MEI4: variants seen among roughly 807,000 people sequenced by gnomAD.
MEI4 encodes the protein meiotic double-stranded break formation protein 4.
MEI4 carries 27 observed loss-of-function variants against 31.4 expected under a neutral mutation model. The observed-to-expected ratio is 0.86, with a 90% CI of 0.63 to 1.19. MEI4 has a LOEUF of 1.19. Ranked by LOEUF, MEI4 falls within the 50% of genes most tolerant of loss-of-function variation. MEI4 has a pLI of 0.00. For synonymous variants in MEI4, 122 were observed against 145.4 expected, an observed-to-expected ratio of 0.84 and a Z score of 1.16; for missense variants, 329 against 398.9, an observed-to-expected ratio of 0.82 and a Z score of 1.49.
chr6:77,744,955 A>T (rs2127674620), intron 2 of MEI4, among the ~76,000 whole-genome samples: 2 of 152,336 alleles, frequency 1.3e-5, no homozygotes, highest in East Asian at 3.9e-4. Flanking sequence ...GCCCTAAAAG[A>T]GCTCCTGAAG....
intron 3 of MEI4, among the ~76,000 whole-genome samples, chr6:77,813,676 C>A (rs1769625706): frequency 6.6e-6 from 1 of 152,006 alleles, no homozygotes; most frequent in African/African-American, 2.4e-5. Flanking sequence ...TTCCTTTGGG[C>A]TAGACCTAAT....
chr6:77,734,047 A>G (rs980082989), intron 2 of MEI4, among the ~76,000 whole-genome samples: 7 of 152,066 alleles, frequency 4.6e-5, no homozygotes, highest in Non-Finnish European at 7.4e-5. Context: ...TTTACTTCCA[A>G]GTATGTGGTC....
chr6:77,801,814 G>A (rs1227236487), intron 3 of MEI4, among the ~76,000 whole-genome samples: 1 of 152,166 alleles, frequency 6.6e-6, no homozygotes, highest in Non-Finnish European at 1.5e-5. Flanking sequence ...CTGAGTTGTA[G>A]TTTGATTGCA....
intron 3 of MEI4, among the ~76,000 whole-genome samples, chr6:77,767,851 C>T (rs1477808733): frequency 6.6e-6 from 1 of 152,162 alleles, no homozygotes; most frequent in Non-Finnish European, 1.5e-5. Context: ...CAAACATTTT[C>T]TGAATTTTCA....
At chr6:77,829,355 A>T (rs2127711426) in intron 4 of MEI4, among the ~76,000 whole-genome samples, 1 of 152,302 alleles carries the variant, frequency 6.6e-6, no homozygotes, top group African/African-American at 2.4e-5. Flanking sequence ...CCAGGCAGGC[A>T]GCATGTTTCT....
At chr6:77,673,345 A>G (rs1256613545) in intron 1 of MEI4, among the ~76,000 whole-genome samples, 2 of 152,172 alleles carry the variant, frequency 1.3e-5, no homozygotes, top group East Asian at 3.9e-4. Flanking sequence ...CTTTTCAACA[A>G]TGATTTGCTT....
intron 2 of MEI4, among the ~76,000 whole-genome samples, chr6:77,749,396 AG>A (rs1221407374): frequency 6.6e-6 from 1 of 152,164 alleles, no homozygotes; most frequent in Non-Finnish European, 1.5e-5. Flanking sequence ...ATTGCTTACT[AG>A]AACAGCAAGT....
At chr6:77,655,312 G>T (rs1021354631) in intron 1 of MEI4, among the ~76,000 whole-genome samples, 2 of 152,102 alleles carry the variant, frequency 1.3e-5, no homozygotes, top group African/African-American at 4.8e-5. Context: ...TCATTGATGG[G>T]CATTTGGCTT....
At chr6:77,744,637 G>T (rs7763023) in intron 2 of MEI4, among the ~76,000 whole-genome samples, 6 of 152,006 alleles carry the variant, frequency 3.9e-5, no homozygotes, top group South Asian at 4.2e-4. Context: ...AGATACTCCT[G>T]GAGAAGAGCA....
intron 3 of MEI4, among the ~76,000 whole-genome samples, chr6:77,775,061 G>T (rs891607814): frequency 1.3e-5 from 2 of 151,990 alleles, no homozygotes; most frequent in African/African-American, 4.8e-5. Context: ...TCCACCATTT[G>T]TCTAATATCT....
At chr6:77,708,515 G>A (rs1766380409) in intron 2 of MEI4, among the ~76,000 whole-genome samples, 1 of 152,208 alleles carries the variant, frequency 6.6e-6, no homozygotes, top group African/African-American at 2.4e-5. Flanking sequence ...GGGAAGAGAT[G>A]ATTGTATTAT....
chr6:77,671,763 G>T (rs922089622), intron 1 of MEI4, among the ~76,000 whole-genome samples: 1 of 152,120 alleles, frequency 6.6e-6, no homozygotes, highest in East Asian at 1.9e-4. Context: ...GGTAGATGAA[G>T]GGGAATGAAC....
At chr6:77,811,443 G>A (rs566051880) in intron 3 of MEI4, among the ~76,000 whole-genome samples, 1 of 152,274 alleles carries the variant, frequency 6.6e-6, no homozygotes, top group Admixed American at 6.5e-5. Context: ...TAGAGGATGA[G>A]ATAATTTCAA....
rs769842037 is a variant in MEI4, at chr6:77,754,797, T to A, written c.233-6333T>A. ...ACTTCTTACATGCGGAGAGAGAGAGTGAAGGGGGAAAGAGCCCCTTATAAA... is the reference window on the plus strand; with the variant it reads ...ACTTCTTACATGCGGAGAGAGAGAGAGAAGGGGGAAAGAGCCCCTTATAAA... On this transcript the variant is annotated intron_variant, in intron 2 of 4. Transcript: ENST00000684080. Among the ~76,000 whole-genome samples, 3 of 151,356 alleles carry A rather than the reference T, an allele frequency of 2.0e-5. No individual in the cohort carries two copies. The East Asian group carries it at 5.8e-4, about 29-fold the overall frequency.
chr6:77,730,279 T>A lies in MEI4; in HGVS notation c.233-30851T>A, dbSNP rs1582068356. On this transcript the variant is annotated intron_variant, in intron 2 of 4. Transcript: ENST00000684080. ...CATTCACACATTGATGAATGGAAAT[T>A]ATGCAGGTGGATTCACTGTTACACT... Among the ~76,000 whole-genome samples the A allele has an allele frequency of 2.0e-5, 3 of 152,246 alleles. No individual in the cohort carries two copies. The South Asian group carries it at 6.2e-4, about 32-fold the overall frequency.
chr6:77,802,826 T>G (rs1038074745), intron 3 of MEI4, among the ~76,000 whole-genome samples: 1 of 152,246 alleles, frequency 6.6e-6, no homozygotes, highest in Non-Finnish European at 1.5e-5. Context: ...TTGTAGAGTT[T>G]CTGCTGAGAC....
chr6:77,802,214 C>A (rs1184776477), intron 3 of MEI4, among the ~76,000 whole-genome samples: 1 of 152,140 alleles, frequency 6.6e-6, no homozygotes, highest in Non-Finnish European at 1.5e-5. Context: ...GATCCCTTTA[C>A]CCTTATGTAA....
chr6:77,828,614 G>C (rs146979730), intron 3 of MEI4, among the ~76,000 whole-genome samples: 338 of 152,124 alleles, frequency 2.2e-3, no homozygotes, highest in African/African-American at 7.4e-3. Flanking sequence ...AAAGGTAAGA[G>C]CTTAAGTATC....
At chr6:77,735,919 G>T (rs556493601) in intron 2 of MEI4, among the ~76,000 whole-genome samples, 26 of 151,752 alleles carry the variant, frequency 1.7e-4, no homozygotes, top group Non-Finnish European at 2.9e-5. Context: ...TGCCCCTGCT[G>T]GGGGATGCCT....
Sources: allele counts gnomAD v4.1 joint callset (sites outside exome capture counted in the v4.1 genomes callset), GRCh38; gene constraint gnomAD v4.1.1; transcripts MANE v1.5; gene names NCBI Gene and HGNC (gene_info 2026-07-23, HGNC 2026-07-21).